MAP2: variants seen among roughly 807,000 people sequenced by gnomAD.
MAP2 encodes the protein microtubule associated protein 2, also known as microtubule-associated protein 2.
Under a neutral mutation model 137.6 loss-of-function variants are expected in MAP2, and 14 were observed. The observed-to-expected ratio is 0.10, with a 90% confidence interval of 0.07 to 0.16. The LOEUF (loss-of-function observed/expected upper bound fraction) is 0.16. MAP2 is among the 10% of genes least tolerant of loss of function. The pLI is 1.00. For synonymous variants in MAP2, 786 were observed against 782.3 expected (o/e 1.00, Z -0.08); for missense variants, 2,088 against 2,191.5 (o/e 0.95, Z 0.94).
rs1158292416 is a variant in MAP2, at chr2:209,710,200, C to G, written c.5019C>G (p.Val1673=). ...INQPLPDLKN[V]KSKIGSTDNI... is the part of the protein sequence containing the mutation. ...AACCACTGCCAGACCTGAAGAATGT[C>G]AAATCCAAAATCGGATCAACAGACA... The change falls in exon 13 of 16, where the codon GTC becomes GTG. Residue 1673 remains valine, a synonymous_variant. Transcript: ENST00000682079. 2 of 1,609,206 alleles carry G rather than the reference C, an allele frequency of 1.2e-6. No homozygotes were observed. Among genetic ancestry groups the G allele is most frequent in the Admixed American group, 3.4e-5 (2 of 59,188 alleles).
In MAP2 at chr2:209,695,758, T is replaced by C. The variant is rs751076094; in HGVS notation, c.3588T>C (p.Phe1196=). The part of the protein sequence containing the change: ...TDERADVQME[F]IQGPKEESKE... Reference sequence around the variant, plus strand: ...AGAGAGCTGATGTCCAGATGGAATTTATTCAGGGGCCAAAAGAAGAAAGCA... The same window carrying C: ...AGAGAGCTGATGTCCAGATGGAATTCATTCAGGGGCCAAAAGAAGAAAGCA... The change falls in exon 8 of 16, where the codon TTT becomes TTC. Residue 1196 remains phenylalanine (F), a synonymous_variant. Transcript: ENST00000682079. 1.9e-6 allele frequency: 3 copies of C among 1,613,876 alleles called. No individual in the cohort carries two copies. In the South Asian group the frequency reaches 3.3e-5, roughly 18 times the overall value.
At chr2:209,621,789 CATT>C (rs2091272667) in intron 3 of MAP2, among the ~76,000 whole-genome samples, 1 of 152,184 alleles carries the variant, frequency 6.6e-6, no homozygotes, top group Admixed American at 6.5e-5. Flanking sequence ...ATGAATTTAT[CATT>C]ATAGCCTCAA....
intron 3 of MAP2, among the ~76,000 whole-genome samples, chr2:209,614,105 G>T (rs1400195300): frequency 6.6e-6 from 1 of 152,028 alleles, no homozygotes; most frequent in Non-Finnish European, 1.5e-5. Context: ...TCCCCACTCT[G>T]CAGTTTCTGT....
chr2:209,681,501 C>A (rs1268078971), intron 7 of MAP2, among the ~76,000 whole-genome samples: 1 of 152,046 alleles, frequency 6.6e-6, no homozygotes, highest in Non-Finnish European at 1.5e-5. Flanking sequence ...CAGAAAGATG[C>A]CTTTGAAGAA....
intron 5 of MAP2, among the ~76,000 whole-genome samples, chr2:209,656,011 A>G (rs2095118356): frequency 6.6e-6 from 1 of 152,186 alleles, no homozygotes; most frequent in African/African-American, 2.4e-5. Context: ...AATAAAATGC[A>G]ATCGTCATCT....
rs1423213459 is a variant in MAP2, at chr2:209,692,810, C to G, written c.640C>G (p.Gln214Glu). ...TKTYPDKKDM[Q>E]GTEEEKAPLA... ...AACTTACCCTGATAAAAAGGACATG[C>G]AAGGCACGGAAGAAGAAAAAGCACC... The change falls in exon 8 of 16, where the codon CAA (glutamine) becomes GAA (glutamate). Residue 214 changes from glutamine (Q) to glutamate (E), a missense_variant. Around this residue, in one of 6 missense-constraint regions of MAP2, gnomAD observed 859 missense variants for 794.5 expected, o/e 1.08. Coordinates refer to ENST00000682079, the MANE Select transcript of MAP2 (RefSeq NM_001375505.1). 3 of 1,613,394 alleles carry G rather than the reference C, an allele frequency of 1.9e-6. No individual in the cohort carries two copies. Among genetic ancestry groups the G allele is most frequent in the Non-Finnish European group, 2.5e-6 (3 of 1,179,802 alleles).
At chr2:209,590,372 G>C (rs1267437023) in intron 3 of MAP2, among the ~76,000 whole-genome samples, 1 of 151,846 alleles carries the variant, frequency 6.6e-6, no homozygotes, top group Non-Finnish European at 1.5e-5. Flanking sequence ...TTTCACTCTT[G>C]TTGCCCAGGC....
chr2:209,693,117 C>G lies in MAP2; in HGVS notation c.947C>G (p.Pro316Arg). 1.9e-6 allele frequency: 3 copies of G among 1,612,524 alleles called. No individual in the cohort carries two copies. Among genetic ancestry groups the G allele is most frequent in the Non-Finnish European group, 2.5e-6 (3 of 1,179,500 alleles). The change falls in exon 8 of 16, where the codon CCC becomes CGC. Residue 316 changes from proline to arginine, a missense_variant. Physicochemically the swap from Pro to Arg is moderately radical, Grantham distance 103. Coordinates refer to ENST00000682079, the MANE Select transcript of MAP2 (RefSeq NM_001375505.1). ...CAGTTTGATTCTCCCATGCCAAGTC[C>G]CTTTCAAGGGGGAAGCTTCACTCTT... Reference protein sequence around the residue: ...GKQFDSPMPSPFQGGSFTLPL... With the variant: ...GKQFDSPMPSRFQGGSFTLPL...
chr2:209,524,866 T>A (rs2063794608), intron 2 of MAP2, among the ~76,000 whole-genome samples: 2 of 152,016 alleles, frequency 1.3e-5, no homozygotes, highest in African/African-American at 4.8e-5. Flanking sequence ...TTACCTGTTG[T>A]GTTTGTTATT....
At chr2:209,458,825 A>G (rs1226358351) in intron 1 of MAP2, among the ~76,000 whole-genome samples, 1 of 152,144 alleles carries the variant, frequency 6.6e-6, no homozygotes, top group Non-Finnish European at 1.5e-5. Flanking sequence ...GGTTAAGAGC[A>G]TATGGTCTAG....
At chr2:209,562,629 G>A (rs942251415) in intron 2 of MAP2, among the ~76,000 whole-genome samples, 12 of 152,052 alleles carry the variant, frequency 7.9e-5, no homozygotes, top group African/African-American at 2.4e-4. Flanking sequence ...CCCAGAAGGC[G>A]GAGGTTGCAG....
At chr2:209,444,477 C>T (rs764676667) in intron 1 of MAP2, among the ~76,000 whole-genome samples, 3 of 151,366 alleles carry the variant, frequency 2.0e-5, no homozygotes, top group Non-Finnish European at 4.4e-5. Flanking sequence ...CAATTAGATT[C>T]AGTAAGTCAG....
At chr2:209,505,399 G>T (rs2060907623) in intron 1 of MAP2, among the ~76,000 whole-genome samples, 1 of 152,060 alleles carries the variant, frequency 6.6e-6, no homozygotes, top group South Asian at 2.1e-4. Flanking sequence ...ATACTGCCCA[G>T]CCCTCAAACC....
At chr2:209,501,045 A>AG (rs1433632430) in intron 1 of MAP2, among the ~76,000 whole-genome samples, 1 of 151,604 alleles carries the variant, frequency 6.6e-6, no homozygotes, top group Non-Finnish European at 1.5e-5. Flanking sequence ...CTCAAAAAAA[A>AG]AAAAAAAAGC....
chr2:209,550,285 G>GA (rs1404325839), intron 2 of MAP2, among the ~76,000 whole-genome samples: 1 of 152,012 alleles, frequency 6.6e-6, no homozygotes, highest in Non-Finnish European at 1.5e-5. Flanking sequence ...ATATCTTATG[G>GA]AAAAATGAAT....
At chr2:209,448,684 G>T (rs1575086251) in intron 1 of MAP2, among the ~76,000 whole-genome samples, 1 of 151,974 alleles carries the variant, frequency 6.6e-6, no homozygotes, top group Non-Finnish European at 1.5e-5. Context: ...TCCAATCTTT[G>T]CCTCCTTTTT....
intron 1 of MAP2, among the ~76,000 whole-genome samples, chr2:209,506,224 C>A (rs1050793832): frequency 6.6e-6 from 1 of 152,070 alleles, no homozygotes; most frequent in South Asian, 2.1e-4. Flanking sequence ...CCTATCATTT[C>A]GTTATTGTAG....
intron 1 of MAP2, among the ~76,000 whole-genome samples, chr2:209,490,223 A>G (rs897053219): frequency 6.6e-6 from 1 of 152,204 alleles, no homozygotes; most frequent in African/African-American, 2.4e-5. Flanking sequence ...CAGACAAGCA[A>G]ATGCTGAGGG....
At chr2:209,570,263 T>A (rs1559332626) in intron 2 of MAP2, among the ~76,000 whole-genome samples, 2 of 151,838 alleles carry the variant, frequency 1.3e-5, no homozygotes, top group Non-Finnish European at 3.0e-5. Context: ...AAATGGAAAA[T>A]TCTTAGTTCT....
Sources: allele counts gnomAD v4.1 joint callset (sites outside exome capture counted in the v4.1 genomes callset), GRCh38; gene constraint gnomAD v4.1.1; regional missense constraint gnomAD v4.1.1; transcripts MANE v1.5; gene names NCBI Gene and HGNC (gene_info 2026-07-23, HGNC 2026-07-21).